Variants in ZMYM6 observed in about 807,000 individuals in gnomAD.
ZMYM6 encodes zinc finger MYM-type containing 6, also known as zinc finger MYM-type protein 6.
In ZMYM6, 90 loss-of-function variants were observed where a neutral mutation model predicts 134.0. That is an observed-to-expected ratio of 0.67 (90% CI 0.57 to 0.80). The LOEUF (loss-of-function observed/expected upper bound fraction) is 0.80. Ranked by LOEUF, ZMYM6 falls within the 30% of genes least tolerant of loss-of-function variation. ZMYM6 has a pLI of 0.00. For missense variants in ZMYM6, 1,362 were observed against 1,533.9 expected, an observed-to-expected ratio of 0.89 and a Z score of 1.87; for synonymous variants, 481 against 524.1, an observed-to-expected ratio of 0.92 and a Z score of 1.12.
At chr1:35,016,456 T>C (rs1171555167) in intron 4 of ZMYM6, among the ~76,000 whole-genome samples, 1 of 152,150 alleles carries the variant, frequency 6.6e-6, no homozygotes, top group Non-Finnish European at 1.5e-5. Context: ...TAAGAGCTAA[T>C]TATTGCAATA....
intron 14 of ZMYM6, among the ~76,000 whole-genome samples, chr1:34,995,162 T>C (rs1012268494): frequency 6.8e-6 from 1 of 147,670 alleles, no homozygotes; most frequent in Non-Finnish European, 1.5e-5. Flanking sequence ...CACACACATA[T>C]GTATGTGTGT....
chr1:34,998,254 G>C (rs1304138420), intron 14 of ZMYM6, among the ~76,000 whole-genome samples: 1 of 152,066 alleles, frequency 6.6e-6, no homozygotes, highest in African/African-American at 2.4e-5. Context: ...CTCCAGTCTG[G>C]GCAAGACTCC....
chr1:35,019,738 T>TCC, intron 3 of ZMYM6, 136 bp from the exon 4 acceptor site: 8 of 1,093,616 alleles, frequency 7.3e-6, no homozygotes, highest in Non-Finnish European at 1.0e-5. Context: ...AGTGGTGCAA[T>TCC]CAAGGCTCAC....
Position 34,987,573 on chromosome 1 carries a change from G to A in ZMYM6, c.3509C>T (p.Ser1170Phe), listed in dbSNP as rs1451690805. ...ENDYDMFPSFSEFSNSSGLNM... is the reference protein window; with the variant it reads ...ENDYDMFPSFFEFSNSSGLNM... ...TAAGCCTGATGAATTTGAGAATTCA[G>A]AAAATGAAGGGAACATGTCATAATC... The change falls in exon 16 of 16, where the codon TCT (serine) becomes TTT (phenylalanine). Residue 1170 changes from serine (S) to phenylalanine (F), a missense_variant. Physicochemically the swap from Ser to Phe is radical, Grantham distance 155 (BLOSUM62 -2). Transcript: ENST00000357182. 1 of 1,613,832 alleles carries A rather than the reference G, an allele frequency of 6.2e-7. No individual in the cohort carries two copies. The highest frequency in any genetic ancestry group is 8.5e-7 in the Non-Finnish European group (1 of 1,179,880).
At chr1:35,019,200 A>T in intron 4 of ZMYM6, 153 bp downstream of exon 4, 1 of 1,171,316 alleles carries the variant, frequency 8.5e-7, no homozygotes, top group Non-Finnish European at 1.2e-6. Flanking sequence ...TAATGTTGCA[A>T]AACTTTAAAA....
chr1:35,014,289 C>T (rs1203739606), intron 6 of ZMYM6, among the ~76,000 whole-genome samples: 1 of 152,080 alleles, frequency 6.6e-6, no homozygotes, highest in African/African-American at 2.4e-5. Context: ...ATATTTCATG[C>T]TCACAGAAAA....
chr1:35,019,629 T>C (rs746383162), intron 3 of ZMYM6, 27 bp from the exon 4 acceptor site: 2 of 1,556,548 alleles, frequency 1.3e-6, no homozygotes, highest in Non-Finnish European at 1.7e-6. Flanking sequence ...AAAAAAGTTT[T>C]AGTATCAATA....
rs377276113 is a variant in ZMYM6, at chr1:34,986,431, C to G, written c.*673G>C. On this transcript the variant is annotated 3_prime_UTR_variant, in exon 16 of 16. Transcript: ENST00000357182. ...GCTGCTTAGATCTATCTTTTTCCAG[C>G]TGGGCACGTTGGCTCACACTTGTAA... 6.6e-6 allele frequency: 1 copy of G among 152,408 alleles called. No homozygotes were observed. Among genetic ancestry groups the G allele is most frequent in the African/African-American group, 2.4e-5 (1 of 41,564 alleles). The allele number at this position is 152,408 out of a possible 1,614,324, so 9.4% of individuals were successfully genotyped here.
chr1:35,007,409 T>C (rs1641003687), intron 11 of ZMYM6, among the ~76,000 whole-genome samples: 1 of 151,990 alleles, frequency 6.6e-6, no homozygotes, highest in African/African-American at 2.4e-5. Flanking sequence ...ACCAACATGG[T>C]GAAACCCCGT....
chr1:35,024,793 T>A (rs1413900590), intron 2 of ZMYM6, among the ~76,000 whole-genome samples: 1 of 152,112 alleles, frequency 6.6e-6, no homozygotes, highest in Non-Finnish European at 1.5e-5. Context: ...CTCCTTCCCA[T>A]ATAGATTTAG....
chr1:35,012,669 A>G, intron 6 of ZMYM6, 88 bp from the exon 7 acceptor site: 1 of 1,527,148 alleles, frequency 6.5e-7, no homozygotes, highest in East Asian at 2.5e-5. Flanking sequence ...GCTACCTACA[A>G]CCACGGTCCT....
At position 35,012,005 on chromosome 1, in the gene ZMYM6, C is replaced by A. The variant is rs773024960; in HGVS notation, c.947G>T (p.Gly316Val). The change falls in exon 8 of 16, where the codon GGT becomes GTT. Residue 316 changes from glycine to valine, a missense_variant and splice_region_variant. By Grantham distance (109) the Gly-to-Val change is moderately radical. This residue lies in a region of ZMYM6 where 503 missense variants were observed against 520.8 expected (regional missense o/e 0.97). Transcript: ENST00000357182. Reference protein sequence around the residue: ...AYRVKTVTSSGVQVSCHSCKT... With the variant: ...AYRVKTVTSSVVQVSCHSCKT... The stretch of plus-strand genomic sequence containing the variant: ...ACAACTATGACATGAAACCTGGACA[C>A]CTTGGTGACAAAAAATTAAAAACAA... The A allele has an allele frequency of 5.1e-6, 8 of 1,578,122 alleles. No homozygotes were observed. Among genetic ancestry groups the A allele is most frequent in the African/African-American group, 1.4e-5 (1 of 73,424 alleles).
At chr1:34,991,770 C>CA (rs1315375075) in intron 15 of ZMYM6, among the ~76,000 whole-genome samples, 12 of 150,614 alleles carry the variant, frequency 8.0e-5, no homozygotes, top group Non-Finnish European at 1.5e-4. Context: ...AACTCCATCT[C>CA]AAAAAAAACA....
Position 35,030,636 on chromosome 1 carries a change from T to C in ZMYM6, c.4A>G (p.Lys2Glu). 1.2e-6 allele frequency: 2 copies of C among 1,611,834 alleles called. No individual in the cohort carries two copies. Among genetic ancestry groups the C allele is most frequent in the African/African-American group, 2.7e-5 (2 of 74,806 alleles). Reference sequence around the variant, plus strand: ...CCACATTCACCATCCAAAGGTTCTTTCATTCTAATTTTTTACCTCAAAGAG... The same window carrying C: ...CCACATTCACCATCCAAAGGTTCTTCCATTCTAATTTTTTACCTCAAAGAG... M[K>E]EPLDGECGKA... The change falls in exon 2 of 16, where the codon AAA becomes GAA. Residue 2 changes from lysine (K) to glutamate (E), a missense_variant. Transcript: ENST00000357182.
chr1:35,014,666 C>G (rs1641148655), intron 6 of ZMYM6, 31 bp downstream of exon 6: 1 of 1,599,372 alleles, frequency 6.3e-7, no homozygotes, highest in East Asian at 2.2e-5. Context: ...AGGAGTGGGC[C>G]TAAGTACATG....
rs746425400 is a variant in ZMYM6 at position 34,988,520 on chromosome 1, TTTAA to T, written c.2558_2561del (p.Ile853AsnfsTer4). ...CTGAACACATTTCTACTAAATATGG[TTTAA>T]TTAATTCTTCAGCAATGGAGAATGG... is the stretch of plus-strand genomic sequence containing the variant. On this transcript the variant is annotated frameshift_variant, in exon 16 of 16. Transcript: ENST00000357182. LOFTEE classifies it high-confidence loss of function. The T allele has an allele frequency of 1.0e-5, 16 of 1,550,878 alleles. No individual in the cohort carries two copies. The Admixed American group carries it at 1.4e-4, about 13-fold the overall frequency.
chr1:34,987,290 G>A lies in ZMYM6; in HGVS notation c.3792C>T (p.Tyr1264=). 1 of 1,612,604 alleles carries A rather than the reference G, an allele frequency of 6.2e-7. No individual in the cohort carries two copies. The highest frequency in any genetic ancestry group is 1.1e-5 in the South Asian group (1 of 90,628). ...TQFWINAKTS[Y]PELHERAMKF... ...TCATTGCCCTTTCATGGAGTTCTGG[G>A]TAACTTGTCTTTGCATTTATCCAAA... The change falls in exon 16 of 16, where the codon TAC becomes TAT. Residue 1264 remains tyrosine (Y), a synonymous_variant. Transcript: ENST00000357182.
At chr1:34,997,238 T>C (rs1487038778) in intron 14 of ZMYM6, among the ~76,000 whole-genome samples, 1 of 152,262 alleles carries the variant, frequency 6.6e-6, no homozygotes, top group Non-Finnish European at 1.5e-5. Flanking sequence ...TATCTTTGCA[T>C]ATGTTACTTT....
chr1:35,003,096 T>G (rs1316113566), intron 14 of ZMYM6, among the ~76,000 whole-genome samples: 2 of 149,894 alleles, frequency 1.3e-5, no homozygotes, highest in Non-Finnish European at 2.9e-5. Flanking sequence ...GGTAGGGGAC[T>G]GCTTGAGCCC....
Sources: allele counts gnomAD v4.1 joint callset (sites outside exome capture counted in the v4.1 genomes callset), GRCh38; gene constraint gnomAD v4.1.1; regional missense constraint gnomAD v4.1.1; transcripts MANE v1.5; gene names NCBI Gene and HGNC (gene_info 2026-07-23, HGNC 2026-07-21).